Variants in RBFOX1 observed in about 807,000 individuals in gnomAD.
RBFOX1 encodes RNA binding fox-1 homolog 1.
A neutral mutation model predicts 57.7 loss-of-function variants in RBFOX1; 8 were observed. The ratio of observed to expected loss-of-function variants is 0.14; its 90% CI spans 0.08 to 0.25. RBFOX1 has a LOEUF of 0.25. Ranked by LOEUF, RBFOX1 falls within the 10% of genes least tolerant of loss-of-function variation. The pLI is 1.00. For missense variants in RBFOX1, 611 were observed against 548.5 expected, an observed-to-expected ratio of 1.11 and a Z score of -1.14; for synonymous variants, 326 against 222.4, an observed-to-expected ratio of 1.47 and a Z score of -4.15.
chr16:7,632,009 A>G (rs1229729813), intron 11 of RBFOX1, among the ~76,000 whole-genome samples: 2 of 152,154 alleles, frequency 1.3e-5, no homozygotes, highest in African/African-American at 4.8e-5. Context: ...TCCTGGGCTC[A>G]AGCAATTCTC....
chr16:6,089,203 A>C (rs1267565461), intron 1 of RBFOX1, among the ~76,000 whole-genome samples: 1 of 152,146 alleles, frequency 6.6e-6, no homozygotes. Flanking sequence ...TGGATTCTGC[A>C]TTCCAGGAGA....
At chr16:5,314,117 G>C (rs939458750) in intron 1 of RBFOX1, among the ~76,000 whole-genome samples, 4 of 152,224 alleles carry the variant, frequency 2.6e-5, no homozygotes, top group Non-Finnish European at 4.4e-5. Flanking sequence ...TTGACAATCT[G>C]ATGAGCTGGG....
intron 4 of RBFOX1, among the ~76,000 whole-genome samples, chr16:7,183,512 A>G (rs1179653989): frequency 6.6e-6 from 1 of 152,296 alleles, no homozygotes; most frequent in East Asian, 1.9e-4. Context: ...GAGATGCTTT[A>G]TCTATTTTTT....
intron 3 of RBFOX1, chr16:6,723,828 C>T (rs2066536831): frequency 6.6e-6 from 1 of 152,004 alleles, no homozygotes; most frequent in Non-Finnish European, 1.5e-5. Context: ...TCTTAGCTTA[C>T]TGACCTGTAT....
chr16:7,328,084 G>A (rs2096635150), intron 4 of RBFOX1, among the ~76,000 whole-genome samples: 2 of 152,140 alleles, frequency 1.3e-5, no homozygotes, highest in East Asian at 3.9e-4. Context: ...TTGTTAGTCT[G>A]GTGTCAAACT....
chr16:6,845,816 G>C (rs894599658), intron 3 of RBFOX1, among the ~76,000 whole-genome samples: 2 of 152,148 alleles, frequency 1.3e-5, no homozygotes, highest in Non-Finnish European at 2.9e-5. Context: ...TAGAGACTTT[G>C]TACCTCTTCC....
intron 2 of RBFOX1, among the ~76,000 whole-genome samples, chr16:6,558,633 A>G (rs558834809): frequency 2.0e-4 from 30 of 152,078 alleles, no homozygotes; most frequent in Non-Finnish European, 3.7e-4. Flanking sequence ...AATGTCTAGA[A>G]AAATTGTCCC....
At chr16:6,619,428 C>G (rs1478319205) in intron 2 of RBFOX1, among the ~76,000 whole-genome samples, 1 of 152,158 alleles carries the variant, frequency 6.6e-6, no homozygotes, top group East Asian at 1.9e-4. Context: ...TTTCTGCAAA[C>G]TCATTTGTGA....
chr16:5,863,491 C>T (rs576036010), intron 3 of RBFOX1, among the ~76,000 whole-genome samples: 4 of 152,318 alleles, frequency 2.6e-5, no homozygotes, highest in South Asian at 2.1e-4. Context: ...CTCTGCGGTA[C>T]GGTCTGGCTT....
chr16:5,716,995 A>G (rs535848488), intron 3 of RBFOX1, among the ~76,000 whole-genome samples: 18 of 152,224 alleles, frequency 1.2e-4, no homozygotes, highest in Admixed American at 1.2e-3. Context: ...CTCCTGGCAT[A>G]GGGAGCTGTA....
At chr16:5,261,217 ATGT>A (rs1454690541) in intron 1 of RBFOX1, among the ~76,000 whole-genome samples, 1 of 152,170 alleles carries the variant, frequency 6.6e-6, no homozygotes, top group Non-Finnish European at 1.5e-5. Context: ...AGGTTGTTTT[ATGT>A]TGTTAAGGTT....
chr16:6,410,755 A>G (rs146744420), intron 2 of RBFOX1, among the ~76,000 whole-genome samples: 3 of 152,326 alleles, frequency 2.0e-5, no homozygotes, highest in Non-Finnish European at 2.9e-5. Context: ...ATTTGGCCAG[A>G]AAATGCCATG....
intron 4 of RBFOX1, among the ~76,000 whole-genome samples, chr16:7,222,919 A>G (rs535410593): frequency 7.2e-5 from 11 of 152,258 alleles, no homozygotes; most frequent in African/African-American, 2.6e-4. Context: ...TTGCTCAACC[A>G]GTCCTCTCAT....
chr16:5,839,379 T>C (rs566833160), intron 3 of RBFOX1, among the ~76,000 whole-genome samples: 1 of 152,304 alleles, frequency 6.6e-6, no homozygotes. Context: ...AAAAGCCCTT[T>C]TCTTGGTTTA....
intron 1 of RBFOX1, among the ~76,000 whole-genome samples, chr16:5,430,951 C>T (rs1025114355): frequency 2.0e-5 from 3 of 152,178 alleles, no homozygotes; most frequent in African/African-American, 7.2e-5. Flanking sequence ...TGCTCAGTAA[C>T]ACCGCAGTGC....
intron 3 of RBFOX1, among the ~76,000 whole-genome samples, chr16:6,658,691 C>T (rs974937454): frequency 1.1e-4 from 16 of 152,100 alleles, no homozygotes; most frequent in Non-Finnish European, 1.0e-4. Context: ...TTTGGAAAAC[C>T]TTGCCTGGCT....
At position 7,074,067 on chromosome 16, in the gene RBFOX1, A is replaced by C. The variant is rs143290355; in HGVS notation, c.27+21969A>C. Among the ~76,000 whole-genome samples the C allele has an allele frequency of 9.0e-4, 137 of 152,230 alleles. 1 individual carries two copies. The highest frequency in any genetic ancestry group is 3.2e-3 in the African/African-American group (133 of 41,546). ...GTAACAAGAAGGTTGGACAGTTTCAACGGAGACCATATGGCCCACAGAGCC... is the reference window on the plus strand; with the variant it reads ...GTAACAAGAAGGTTGGACAGTTTCACCGGAGACCATATGGCCCACAGAGCC... On this transcript the variant is annotated intron_variant, in intron 4 of 15. Coordinates refer to ENST00000550418, the MANE Select transcript of RBFOX1 (RefSeq NM_018723.4).
At chr16:5,804,593 G>A (rs917381251) in intron 3 of RBFOX1, among the ~76,000 whole-genome samples, 1 of 152,072 alleles carries the variant, frequency 6.6e-6, no homozygotes, top group Non-Finnish European at 1.5e-5. Context: ...GAGGTGAAGG[G>A]GACCTGCCCT....
intron 3 of RBFOX1, among the ~76,000 whole-genome samples, chr16:6,945,890 C>T (rs992260541): frequency 2.0e-5 from 3 of 152,100 alleles, no homozygotes; most frequent in African/African-American, 4.8e-5. Context: ...GACTCTCGTC[C>T]CCCACAAAAA....
Sources: gnomAD v4.1 joint callset for allele counts (sites outside exome capture counted in the v4.1 genomes callset) on GRCh38, gnomAD v4.1.1 for gene constraint, MANE v1.5 for transcripts, NCBI Gene and HGNC (gene_info 2026-07-23, HGNC 2026-07-21) for gene names.